The following GAB3 variants were observed in gnomAD, a reference collection of about 807,000 sequenced individuals.
GAB3 encodes the protein GRB2-associated-binding protein 3.
GAB3 carries 12 observed loss-of-function variants against 40.4 expected under a neutral mutation model. The ratio of observed to expected loss-of-function variants is 0.30; its 90% CI spans 0.19 to 0.48. The LOEUF is 0.48. Among genes scored for constraint, GAB3 ranks in the 20% least tolerant of loss-of-function variants. GAB3 has a pLI of 0.99. For synonymous variants in GAB3, 154 were observed against 176.7 expected (o/e 0.87, Z 1.02); for missense variants, 381 against 461.9 (o/e 0.82, Z 1.61).
intron 8 of GAB3, among the ~76,000 whole-genome samples, chrX:154,693,643 T>C (rs2070607017): frequency 8.9e-6 from 1 of 111,996 alleles, no homozygotes; most frequent in South Asian, 3.7e-4. Context: ...AACCGTTGTG[T>C]ACTCTGATCA....
At chrX:154,697,019 C>A in intron 7 of GAB3, 113 bp downstream of exon 7, 1 of 569,821 alleles carries the variant, frequency 1.8e-6, no homozygotes, top group Non-Finnish European at 2.9e-6. Context: ...ATAAACCTCA[C>A]CCCTCCTTTG....
At chrX:154,721,265 G>T (rs2071128136) in intron 1 of GAB3, among the ~76,000 whole-genome samples, 3 of 112,283 alleles carry the variant, frequency 2.7e-5, no homozygotes, top group Admixed American at 9.4e-5. Flanking sequence ...ATTTTCTTTT[G>T]CCATAACAGA....
At chrX:154,696,320 A>C (rs1603423972) in intron 7 of GAB3, among the ~76,000 whole-genome samples, 1 of 108,814 alleles carries the variant, frequency 9.2e-6, no homozygotes, top group African/African-American at 3.4e-5. Context: ...AAAAAAAAAA[A>C]AATACTCCTT....
intron 8 of GAB3, among the ~76,000 whole-genome samples, chrX:154,693,049 G>A (rs1168936419): frequency 1.8e-5 from 2 of 111,569 alleles, no homozygotes; most frequent in Non-Finnish European, 1.9e-5. Flanking sequence ...GACAATGGTA[G>A]GAACAACCCT....
intron 1 of GAB3, 87 bp from the exon 2 acceptor site, chrX:154,716,416 C>A (rs1277760104): frequency 3.8e-5 from 33 of 868,901 alleles, no homozygotes; most frequent in Non-Finnish European, 2.7e-5. Flanking sequence ...ATGACAAGGA[C>A]AGCAGGAAGG....
intron 8 of GAB3, among the ~76,000 whole-genome samples, chrX:154,693,863 G>T (rs782632320): frequency 2.7e-5 from 3 of 111,849 alleles, no homozygotes; most frequent in Non-Finnish European, 5.6e-5. Context: ...TTGAAAAAGT[G>T]ATAGAGAAGA....
intron 2 of GAB3, among the ~76,000 whole-genome samples, chrX:154,715,320 C>G (rs782762057): frequency 1.8e-5 from 2 of 111,051 alleles, no homozygotes; most frequent in Admixed American, 1.9e-4. Context: ...AGGGGCTCAA[C>G]AACAAAATCC....
chrX:154,747,136 G>C (rs2071540917), intron 1 of GAB3, among the ~76,000 whole-genome samples: 1 of 111,911 alleles, frequency 8.9e-6, no homozygotes, highest in African/African-American at 3.3e-5. Flanking sequence ...CTCCCAAGTA[G>C]CTGGGATTAC....
chrX:154,716,675 C>T (rs1557257713), intron 1 of GAB3, among the ~76,000 whole-genome samples: 1 of 112,339 alleles, frequency 8.9e-6, no homozygotes, highest in African/African-American at 3.2e-5. Flanking sequence ...TAGAAGGAAG[C>T]TTTCTTACTA....
At chrX:154,695,621 C>G (rs1210865388) in intron 8 of GAB3, among the ~76,000 whole-genome samples, 1 of 112,418 alleles carries the variant, frequency 8.9e-6, no homozygotes, top group Non-Finnish European at 1.9e-5. Flanking sequence ...GACATCACAG[C>G]CTTGGTGAAA....
chrX:154,751,305 G>GA (rs2071615286), upstream of GAB3, among the ~76,000 whole-genome samples: 1 of 101,859 alleles, frequency 9.8e-6, no homozygotes, highest in Non-Finnish European at 2.0e-5. Context: ...TGTGGGGGGG[G>GA]GAGCCTACGC....
chrX:154,711,949 G>A (rs1370171983), intron 4 of GAB3, among the ~76,000 whole-genome samples: 1 of 112,031 alleles, frequency 8.9e-6, no homozygotes, highest in African/African-American at 3.2e-5. Context: ...CTCAAAGGAG[G>A]GGTTGGGGGG....
At chrX:154,681,644 C>T (rs1482675390) in intron 8 of GAB3, among the ~76,000 whole-genome samples, 1 of 110,656 alleles carries the variant, frequency 9.0e-6, no homozygotes. Flanking sequence ...AATGTAATGT[C>T]GATCTTTTCC....
At chrX:154,690,397 C>T (rs75851994) in intron 8 of GAB3, among the ~76,000 whole-genome samples, 19 of 112,038 alleles carry the variant, frequency 1.7e-4, no homozygotes, top group Middle Eastern at 4.6e-3. Context: ...CAATGGCAAC[C>T]AAAGCCAAAA....
chrX:154,721,832 C>A (rs191917436), intron 1 of GAB3, among the ~76,000 whole-genome samples: 359 of 111,742 alleles, frequency 3.2e-3, no homozygotes, highest in African/African-American at 0.011. Context: ...ATTCATACAA[C>A]CCTTATGGAA....
rs1466542388 is a variant in GAB3, at chrX:154,696,278, G to A, written c.1428-259C>T. On this transcript the variant is annotated intron_variant, in intron 7 of 9. Coordinates refer to ENST00000424127, the MANE Select transcript of GAB3 (RefSeq NM_001081573.3). ...CAGCTCATGAGCTTTCTAAACGGAC[G>A]AGGGCATCATATCATTTAGCAAAAA... is the stretch of plus-strand genomic sequence containing the variant. 8.5e-5 allele frequency among the ~76,000 whole-genome samples: 8 copies of A among 94,111 alleles called. No homozygotes were observed. The South Asian group carries it at 1.7e-3, about 20-fold the overall frequency. The allele number at this position is 94,111 out of a possible 115,157, so 81.7% of individuals were successfully genotyped here.
At chrX:154,744,432 A>C (rs193113067) in intron 1 of GAB3, among the ~76,000 whole-genome samples, 2 of 111,630 alleles carry the variant, frequency 1.8e-5, no homozygotes, top group East Asian at 2.8e-4. Flanking sequence ...ATCAGGGACA[A>C]AGCAAGACAT....
At chrX:154,718,114 C>A (rs1416722192) in intron 1 of GAB3, among the ~76,000 whole-genome samples, 3 of 110,763 alleles carry the variant, frequency 2.7e-5, no homozygotes, top group African/African-American at 9.9e-5. Flanking sequence ...ATGTGTGATA[C>A]TTTTTAAGCC....
At chrX:154,682,283 C>T (rs782692791) in intron 8 of GAB3, among the ~76,000 whole-genome samples, 13 of 111,609 alleles carry the variant, frequency 1.2e-4, no homozygotes, top group Admixed American at 3.8e-4. Context: ...TAGATTATTT[C>T]GAGTTATCAT....
Sources: allele counts gnomAD v4.1 joint callset (sites outside exome capture counted in the v4.1 genomes callset), GRCh38; gene constraint gnomAD v4.1.1; transcripts MANE v1.5; gene names NCBI Gene and HGNC (gene_info 2026-07-23, HGNC 2026-07-21).